TMEM132D: variants seen among roughly 807,000 people sequenced by gnomAD.
TMEM132D encodes transmembrane protein 132D.
A neutral mutation model predicts 62.3 loss-of-function variants in TMEM132D; 21 were observed. The ratio of observed to expected loss-of-function variants is 0.34; its 90% CI spans 0.24 to 0.49. The LOEUF (loss-of-function observed/expected upper bound fraction) is 0.49, where lower values mean the gene tolerates loss of function less well. Ranked by LOEUF, TMEM132D falls within the 20% of genes least tolerant of loss-of-function variation. TMEM132D has a pLI of 0.99. For synonymous variants in TMEM132D, 621 were observed against 575.6 expected, an observed-to-expected ratio of 1.08 and a Z score of -1.13; for missense variants, 1,346 against 1,402.8, an observed-to-expected ratio of 0.96 and a Z score of 0.65.
At chr12:129,589,902 A>C (rs1035694729) in intron 2 of TMEM132D, among the ~76,000 whole-genome samples, 1 of 152,050 alleles carries the variant, frequency 6.6e-6, no homozygotes, top group African/African-American at 2.4e-5. Context: ...TTTATAGTAC[A>C]TTTCTCTTTT....
chr12:129,138,735 C>G (rs1218008519), intron 5 of TMEM132D, among the ~76,000 whole-genome samples: 2 of 152,132 alleles, frequency 1.3e-5, no homozygotes, highest in African/African-American at 4.8e-5. Context: ...AGAAAGCTGG[C>G]TAGAACTTTT....
intron 3 of TMEM132D, among the ~76,000 whole-genome samples, chr12:129,355,533 T>C (rs1219680752): frequency 6.6e-6 from 1 of 152,096 alleles, no homozygotes; most frequent in Non-Finnish European, 1.5e-5. Context: ...AAAAGTGAAG[T>C]TAGAGAGAAG....
intron 2 of TMEM132D, among the ~76,000 whole-genome samples, chr12:129,649,392 T>A (rs116806608): frequency 1.3e-5 from 2 of 152,066 alleles, no homozygotes; most frequent in Non-Finnish European, 2.9e-5. Flanking sequence ...TAAATACAGA[T>A]GTAACCTCAA....
intron 3 of TMEM132D, among the ~76,000 whole-genome samples, chr12:129,474,682 A>T (rs1874207928): frequency 6.6e-6 from 1 of 152,164 alleles, no homozygotes; most frequent in African/African-American, 2.4e-5. Flanking sequence ...TCATTAACTT[A>T]TAGGCTACAG....
chr12:129,805,298 A>G (rs1871942812), intron 1 of TMEM132D, among the ~76,000 whole-genome samples: 2 of 152,106 alleles, frequency 1.3e-5, no homozygotes, highest in African/African-American at 4.8e-5. Flanking sequence ...ACTATACTAC[A>G]AGGCTACAGT....
chr12:129,182,111 A>G (rs1878084326), intron 5 of TMEM132D, among the ~76,000 whole-genome samples: 1 of 152,138 alleles, frequency 6.6e-6, no homozygotes, highest in African/African-American at 2.4e-5. Context: ...CCTGTAAACC[A>G]AGCACTTTGG....
At chr12:129,654,006 T>C (rs77742023) in intron 2 of TMEM132D, among the ~76,000 whole-genome samples, 1 of 152,194 alleles carries the variant, frequency 6.6e-6, no homozygotes, top group East Asian at 1.9e-4. Flanking sequence ...TTCCTTGTTT[T>C]TGAGGATCTA....
At chr12:129,389,898 T>G (rs765432052) in intron 3 of TMEM132D, among the ~76,000 whole-genome samples, 3 of 152,218 alleles carry the variant, frequency 2.0e-5, no homozygotes, top group Non-Finnish European at 2.9e-5. Flanking sequence ...TGAAAAACAG[T>G]CCATTTGATT....
intron 5 of TMEM132D, among the ~76,000 whole-genome samples, chr12:129,098,847 A>C (rs535037453): frequency 1.3e-5 from 2 of 152,300 alleles, no homozygotes; most frequent in Admixed American, 1.3e-4. Context: ...GAACTGAATA[A>C]GCAGCCTCAA....
intron 1 of TMEM132D, among the ~76,000 whole-genome samples, chr12:129,813,879 G>A (rs764763532): frequency 4.1e-4 from 62 of 152,078 alleles, no homozygotes; most frequent in Middle Eastern, 6.8e-3. Context: ...AAGCAAGAAC[G>A]TGTTTATCTA....
chr12:129,549,597 T>C (rs750583278), intron 2 of TMEM132D, among the ~76,000 whole-genome samples: 29 of 152,206 alleles, frequency 1.9e-4, no homozygotes, highest in African/African-American at 5.3e-4. Flanking sequence ...TGTGGAACTG[T>C]GAGTCCATTA....
chr12:129,873,171 G>A (rs745696541), intron 1 of TMEM132D, among the ~76,000 whole-genome samples: 13 of 152,084 alleles, frequency 8.5e-5, no homozygotes, highest in Non-Finnish European at 1.6e-4. Flanking sequence ...TTGCTCAGAC[G>A]GTTATTTTTC....
intron 1 of TMEM132D, among the ~76,000 whole-genome samples, chr12:129,890,337 T>C (rs1874881312): frequency 6.6e-6 from 1 of 152,110 alleles, no homozygotes; most frequent in Non-Finnish European, 1.5e-5. Flanking sequence ...TATTTACGGG[T>C]AGTCCTGCCG....
chr12:129,308,344 T>C (rs961205122), intron 4 of TMEM132D, among the ~76,000 whole-genome samples: 3 of 152,280 alleles, frequency 2.0e-5, no homozygotes, highest in South Asian at 4.1e-4. Flanking sequence ...TACGTAAACA[T>C]CCATAAAGTA....
intron 3 of TMEM132D, among the ~76,000 whole-genome samples, chr12:129,443,306 G>A (rs999814212): frequency 6.6e-6 from 1 of 152,158 alleles, no homozygotes. Flanking sequence ...CCGCCTCCCC[G>A]ACCGTATCCC....
intron 3 of TMEM132D, among the ~76,000 whole-genome samples, chr12:129,504,671 GC>G (rs1173465111): frequency 6.6e-6 from 1 of 152,046 alleles, no homozygotes; most frequent in African/African-American, 2.4e-5. Flanking sequence ...CAAAGAACCA[GC>G]TTTTTGTTTC....
At chr12:129,657,704 T>G (rs558047657) in intron 2 of TMEM132D, among the ~76,000 whole-genome samples, 1 of 152,222 alleles carries the variant, frequency 6.6e-6, no homozygotes, top group Non-Finnish European at 1.5e-5. Flanking sequence ...CAGTCATGGA[T>G]AGCCATGGTC....
intron 3 of TMEM132D, among the ~76,000 whole-genome samples, chr12:129,488,391 T>C (rs139179104): frequency 5.9e-5 from 9 of 152,230 alleles, no homozygotes; most frequent in African/African-American, 2.2e-4. Context: ...ATCTTCTTAT[T>C]GTCGGGTGTG....
chr12:129,839,206 C>T (rs191350474), intron 1 of TMEM132D, among the ~76,000 whole-genome samples: 2 of 142,482 alleles, frequency 1.4e-5, no homozygotes, highest in East Asian at 4.2e-4. Flanking sequence ...ATCTCAGCCC[C>T]GCAACCTTCG....
Sources: allele counts gnomAD v4.1 joint callset (sites outside exome capture counted in the v4.1 genomes callset), GRCh38; gene constraint gnomAD v4.1.1; transcripts MANE v1.5; gene names NCBI Gene and HGNC (gene_info 2026-07-23, HGNC 2026-07-21).